CRPPA: variants seen among roughly 807,000 people sequenced by gnomAD.
The protein encoded by CRPPA is D-ribitol-5-phosphate cytidylyltransferase.
A neutral mutation model predicts 52.0 loss-of-function variants in CRPPA; 43 were observed. The observed-to-expected ratio is 0.83, with a 90% CI of 0.65 to 1.07. The LOEUF is 1.07. CRPPA is among the 50% of genes least tolerant of loss of function. The pLI is 0.00. For missense variants in CRPPA, 629 were observed against 551.7 expected (o/e 1.14, Z -1.40); for synonymous variants, 250 against 203.5 (o/e 1.23, Z -1.94).
intron 2 of CRPPA, among the ~76,000 whole-genome samples, chr7:16,388,934 G>A (rs750438278): frequency 2.0e-4 from 30 of 152,034 alleles, no homozygotes; most frequent in African/African-American, 5.8e-4. Flanking sequence ...TAATAAAATC[G>A]GAAGGTAGTG....
chr7:16,253,451 T>A (rs1783517193), intron 8 of CRPPA, among the ~76,000 whole-genome samples: 1 of 152,204 alleles, frequency 6.6e-6, no homozygotes, highest in Non-Finnish European at 1.5e-5. Context: ...CTAATTTGAT[T>A]GCACTGTGGT....
intron 8 of CRPPA, among the ~76,000 whole-genome samples, chr7:16,249,584 A>G (rs1331030183): frequency 6.6e-6 from 1 of 152,210 alleles, no homozygotes; most frequent in Non-Finnish European, 1.5e-5. Flanking sequence ...TAGCCAGGCA[A>G]ACAAGGTCTG....
intron 9 of CRPPA, among the ~76,000 whole-genome samples, chr7:16,176,692 T>A (rs1398551352): frequency 6.6e-6 from 1 of 152,132 alleles, no homozygotes; most frequent in Non-Finnish European, 1.5e-5. Flanking sequence ...TCCTCTCACC[T>A]CAGCCTCCGC....
intron 3 of CRPPA, among the ~76,000 whole-genome samples, chr7:16,353,393 A>C (rs1281605836): frequency 6.6e-6 from 1 of 151,972 alleles, no homozygotes; most frequent in Non-Finnish European, 1.5e-5. Flanking sequence ...AAATTCATGG[A>C]AGCAGAGAAA....
At chr7:16,269,428 G>A (rs946367697) in intron 6 of CRPPA, 2 of 152,060 alleles carry the variant, frequency 1.3e-5, no homozygotes, top group South Asian at 2.1e-4. Flanking sequence ...AAGACTAATC[G>A]TTTCAAGACA....
rs886044546 is a variant in CRPPA at position 16,091,744 on chromosome 7, A to G, written c.1307T>C (p.Leu436Ser). 6.4e-7 allele frequency: 1 copy of G among 1,565,358 alleles called. No homozygotes were observed. The highest frequency in any genetic ancestry group is 8.7e-7 in the Non-Finnish European group (1 of 1,153,406). ...GAGTCCAGAATTTCTTTCCTTGATT[A>G]ATGAAGCAATAATGATAGCACCTTG... ...LRQGAIIIAS[L>S]IKERNSGLIG... Residue 436 changes from leucine to serine, a missense_variant, in exon 10 of 10, where the codon TTA (leucine) becomes TCA (serine). Leu to Ser is a moderately radical substitution (Grantham distance 145, BLOSUM62 -2). Coordinates refer to ENST00000407010, the MANE Select transcript of CRPPA (RefSeq NM_001101426.4).
At chr7:16,370,935 G>A (rs904827706) in intron 3 of CRPPA, among the ~76,000 whole-genome samples, 2 of 152,174 alleles carry the variant, frequency 1.3e-5, no homozygotes, top group Non-Finnish European at 2.9e-5. Flanking sequence ...TTGCATGAGA[G>A]GCAGAGTCAC....
intron 3 of CRPPA, among the ~76,000 whole-genome samples, chr7:16,373,193 G>C (rs1206519421): frequency 6.6e-6 from 1 of 152,128 alleles, no homozygotes; most frequent in Non-Finnish European, 1.5e-5. Flanking sequence ...CTATTTGGGA[G>C]GCTGAGGCAG....
At chr7:16,125,888 TACACACACACACACAC>T (rs3083131) in intron 9 of CRPPA, among the ~76,000 whole-genome samples, 40 of 134,236 alleles carry the variant, frequency 3.0e-4, no homozygotes, top group South Asian at 1.1e-3. Flanking sequence ...GAAGCTTGCC[TACACACACACACACAC>T]ACACACACAC....
At chr7:16,410,952 T>C (rs1223134667) in intron 1 of CRPPA, among the ~76,000 whole-genome samples, 1 of 152,146 alleles carries the variant, frequency 6.6e-6, no homozygotes, top group Non-Finnish European at 1.5e-5. Context: ...GCTTGCAGAG[T>C]GCTTATACAC....
chr7:16,159,133 G>A (rs1212693057), intron 9 of CRPPA, among the ~76,000 whole-genome samples: 2 of 152,102 alleles, frequency 1.3e-5, no homozygotes, highest in East Asian at 1.9e-4. Context: ...AATTGGGAGA[G>A]TGGCCGGGTG....
intron 6 of CRPPA, among the ~76,000 whole-genome samples, chr7:16,259,806 A>C (rs1463055557): frequency 6.6e-6 from 1 of 152,018 alleles, no homozygotes; most frequent in Middle Eastern, 3.2e-3. Context: ...TAGTTCTAAA[A>C]ATAATACAGT....
intron 5 of CRPPA, among the ~76,000 whole-genome samples, chr7:16,296,568 G>GA (rs1007631162): frequency 2.0e-5 from 3 of 151,524 alleles, no homozygotes; most frequent in African/African-American, 4.9e-5. Flanking sequence ...TTATTTGAGA[G>GA]AAAAAACAGC....
At chr7:16,194,951 T>G (rs1437290562) in intron 9 of CRPPA, among the ~76,000 whole-genome samples, 5 of 152,028 alleles carry the variant, frequency 3.3e-5, no homozygotes, top group African/African-American at 1.2e-4. Context: ...TGGAGACTTT[T>G]GCAGCTTGAA....
intron 3 of CRPPA, among the ~76,000 whole-genome samples, chr7:16,346,032 A>G (rs773627367): frequency 4.9e-4 from 75 of 152,326 alleles, no homozygotes; most frequent in Non-Finnish European, 9.1e-4. Context: ...CTGATACACC[A>G]AAATCAGACA....
intron 9 of CRPPA, among the ~76,000 whole-genome samples, chr7:16,144,369 G>A (rs1782930932): frequency 6.6e-6 from 1 of 152,230 alleles, no homozygotes; most frequent in Non-Finnish European, 1.5e-5. Context: ...AGTCCTACCT[G>A]TCTAGAGACA....
intron 9 of CRPPA, among the ~76,000 whole-genome samples, chr7:16,156,820 T>C (rs1468596851): frequency 1.3e-5 from 2 of 152,118 alleles, no homozygotes; most frequent in Non-Finnish European, 2.9e-5. Flanking sequence ...TGTGGAAAAG[T>C]ATTTGCATTA....
At chr7:16,173,662 TGA>T in intron 9 of CRPPA, among the ~76,000 whole-genome samples, 1 of 152,268 alleles carries the variant, frequency 6.6e-6, no homozygotes, top group East Asian at 1.9e-4. Flanking sequence ...TATGATAAAA[TGA>T]GAGAGCACTC....
chr7:16,374,330 A>C (rs1786824735), intron 3 of CRPPA, among the ~76,000 whole-genome samples: 1 of 152,134 alleles, frequency 6.6e-6, no homozygotes, highest in African/African-American at 2.4e-5. Flanking sequence ...CAGGCTCTTC[A>C]GCCTTTGAAG....
Sources: allele counts gnomAD v4.1 joint callset (sites outside exome capture counted in the v4.1 genomes callset), GRCh38; gene constraint gnomAD v4.1.1; transcripts MANE v1.5; gene names NCBI Gene and HGNC (gene_info 2026-07-23, HGNC 2026-07-21).